The following HDGFL2 variants were observed in gnomAD, a reference collection of about 807,000 sequenced individuals.
The protein encoded by HDGFL2 is hepatoma-derived growth factor-related protein 2.
In HDGFL2, 36 loss-of-function variants were observed where a neutral mutation model predicts 77.1. That is an observed-to-expected ratio of 0.47 (90% confidence interval 0.36 to 0.62). The LOEUF (loss-of-function observed/expected upper bound fraction) is 0.62, where lower values mean the gene tolerates loss of function less well. Ranked by LOEUF, HDGFL2 falls within the 20% of genes least tolerant of loss-of-function variation. The probability of loss-of-function intolerance (pLI) is 0.00; values close to 1 mark genes in which losing one functional copy is unlikely to be tolerated. For missense variants in HDGFL2, 976 were observed against 973.4 expected (o/e 1.00, Z -0.04); for synonymous variants, 463 against 413.1 (o/e 1.12, Z -1.46).
chr19:4,493,621 G>A (rs371327861), intron 6 of HDGFL2, 82 bp from the exon 7 acceptor site: 19 of 1,321,868 alleles, frequency 1.4e-5, no homozygotes, highest in South Asian at 1.1e-4. Context: ...CTGCAGGGGT[G>A]CGGGAGCCTC....
At position 4,501,985 on chromosome 19, in the gene HDGFL2, C is replaced by T. The variant is rs117648883; in HGVS notation, c.1991C>T (p.Ser664Leu). 3.4e-4 allele frequency: 508 copies of T among 1,514,434 alleles called. No individual in the cohort carries two copies. Among genetic ancestry groups the T allele is most frequent in the Non-Finnish European group, 4.2e-4 (477 of 1,138,066 alleles). 93.8% of individuals were successfully genotyped at this position (1,514,434 alleles called of 1,614,324 possible). A position where few individuals can be genotyped will look rare whatever the true frequency, so the allele number is the denominator to read the frequency against. The part of the protein sequence containing the change: ...RQERERARGD[S>L]EALDEES ...GAGCGCGAGAGGGCACGGGGGGACT[C>T]GGAGGCCCTGGACGAGGAGAGCTGA... The change falls in exon 16 of 16, where the codon TCG becomes TTG. Residue 664 changes from serine to leucine, a missense_variant. Transcript: ENST00000616600.
intron 3 of HDGFL2, among the ~76,000 whole-genome samples, chr19:4,478,596 GA>G (rs1407885483): frequency 6.6e-6 from 1 of 152,016 alleles, no homozygotes; most frequent in Non-Finnish European, 1.5e-5. Flanking sequence ...GCCAGTAGGT[GA>G]AACATGGCAG....
At chr19:4,496,451 G>T in intron 10 of HDGFL2, 46 bp downstream of exon 10, 1 of 1,425,838 alleles carries the variant, frequency 7.0e-7, no homozygotes, top group Non-Finnish European at 9.8e-7. Flanking sequence ...CCCGCACCCC[G>T]CATCACCCCA....
Position 4,475,562 on chromosome 19 carries a change from C to T in HDGFL2, c.267C>T (p.His89=), listed in dbSNP as rs766164029. Reference sequence around the variant, plus strand: ...TGTGGGAGATCCAGAACAACCCCCACGCCAGCTACAGCGCCCCTCCGGTGA... The same window carrying T: ...TGTGGGAGATCCAGAACAACCCCCATGCCAGCTACAGCGCCCCTCCGGTGA... ...EGLWEIQNNP[H]ASYSAPPPVS... Residue 89 remains histidine (H), a synonymous_variant, in exon 3 of 16, where the codon CAC becomes CAT. Transcript: ENST00000616600. The T allele has an allele frequency of 8.2e-6, 13 of 1,583,700 alleles. No individual in the cohort carries two copies. Among genetic ancestry groups the T allele is most frequent in the South Asian group, 4.6e-5 (4 of 86,328 alleles).
intron 3 of HDGFL2, among the ~76,000 whole-genome samples, chr19:4,480,203 T>G (rs893383730): frequency 7.2e-5 from 11 of 152,126 alleles, no homozygotes; most frequent in African/African-American, 2.7e-4. Context: ...CCTTGTTGCT[T>G]GGTAGATGAA....
chr19:4,501,084 C>G (rs1017709322), intron 14 of HDGFL2, 107 bp from the exon 15 acceptor site: 1 of 1,406,460 alleles, frequency 7.1e-7, no homozygotes, highest in African/African-American at 1.4e-5. Flanking sequence ...GGGCATGTGT[C>G]ACCCACGGCG....
intron 3 of HDGFL2, among the ~76,000 whole-genome samples, chr19:4,483,566 C>A (rs918700093): frequency 6.6e-6 from 1 of 152,154 alleles, no homozygotes. Context: ...ACTCCCTGCT[C>A]CCTCTTGCCC....
At chr19:4,498,950 CGGG>C in intron 13 of HDGFL2, 35 bp downstream of exon 13, 1 of 1,474,002 alleles carries the variant, frequency 6.8e-7, no homozygotes, top group Non-Finnish European at 9.3e-7. Flanking sequence ...AGGGTGCAGT[CGGG>C]GGAGCTGGGA....
At chr19:4,501,439 AC>A in intron 15 of HDGFL2, 122 bp downstream of exon 15, 1 of 1,206,854 alleles carries the variant, frequency 8.3e-7, no homozygotes, top group South Asian at 1.7e-5. Flanking sequence ...TGTCGTCCTT[AC>A]TCGGGCCTCC....
intron 3 of HDGFL2, among the ~76,000 whole-genome samples, chr19:4,476,114 TCTC>T (rs992430735): frequency 4.7e-5 from 7 of 149,262 alleles, no homozygotes; most frequent in Non-Finnish European, 7.4e-5. Context: ...ATGGTCTCAA[TCTC>T]CTGACTTCGT....
At chr19:4,501,586 C>G in intron 15 of HDGFL2, 1 of 478,518 alleles carries the variant, frequency 2.1e-6, no homozygotes, top group Non-Finnish European at 3.7e-6. Context: ...CCAGGGTGGC[C>G]CAGGTAGGTA....
chr19:4,491,277 A>AC (rs1271575682), intron 4 of HDGFL2, among the ~76,000 whole-genome samples: 479 of 14,024 alleles, frequency 0.034, 7 homozygotes, highest in East Asian at 0.29. Flanking sequence ...CCACCCCCCC[A>AC]CCCCCCCCGG....
At chr19:4,478,493 A>G (rs1350257493) in intron 3 of HDGFL2, among the ~76,000 whole-genome samples, 1 of 151,402 alleles carries the variant, frequency 6.6e-6, no homozygotes, top group African/African-American at 2.4e-5. Context: ...GAGCCACCAC[A>G]CCCAGCCCAG....
intron 12 of HDGFL2, among the ~76,000 whole-genome samples, 177 bp from the exon 13 acceptor site, chr19:4,498,637 A>G (rs1327399866): frequency 6.6e-6 from 1 of 152,028 alleles, no homozygotes; most frequent in African/African-American, 2.4e-5. Flanking sequence ...TGGGACCCCA[A>G]GTATCTGGCT....
chr19:4,484,448 C>T (rs77497453), intron 3 of HDGFL2, among the ~76,000 whole-genome samples: 15,123 of 151,752 alleles, frequency 0.1, 939 homozygotes, highest in South Asian at 0.21. Flanking sequence ...AAGAGTATAC[C>T]GTACAGTAGC....
In HDGFL2 at chr19:4,493,784, G is replaced by T. The variant is rs369862181; in HGVS notation, c.760G>T (p.Ala254Ser). 39 of 1,544,374 alleles carry T rather than the reference G, an allele frequency of 2.5e-5. No homozygotes were observed. The highest frequency in any genetic ancestry group is 3.4e-5 in the Non-Finnish European group (39 of 1,142,112). Residue 254 changes from alanine to serine, a missense_variant, in exon 7 of 16, where the codon GCG (alanine) becomes TCG (serine). Ala to Ser is a moderately conservative substitution (Grantham distance 99). Coordinates refer to ENST00000616600, the MANE Select transcript of HDGFL2 (RefSeq NM_001001520.3). The part of the protein sequence containing the change: ...KPEPVAMARS[A>S]SSSSSSSSSS... Reference sequence around the variant, plus strand: ...TGAGCCGGTGGCCATGGCGCGGTCGGCGTCCTCCTCCTCCTCTTCCTCCTC... The same window carrying T: ...TGAGCCGGTGGCCATGGCGCGGTCGTCGTCCTCCTCCTCCTCTTCCTCCTC...
intron 3 of HDGFL2, among the ~76,000 whole-genome samples, chr19:4,478,348 G>A (rs922735816): frequency 6.6e-6 from 1 of 151,412 alleles, no homozygotes; most frequent in Non-Finnish European, 1.5e-5. Flanking sequence ...GACTATGGGC[G>A]CCCACTACCA....
At position 4,475,314 on chromosome 19, in the gene HDGFL2, A is replaced by G; in HGVS notation, c.112A>G (p.Asn38Asp). The change falls in exon 2 of 16, where the codon AAC (asparagine) becomes GAC (aspartate). Residue 38 changes from asparagine (N) to aspartate (D), a missense_variant. Transcript: ENST00000616600. Reference protein sequence around the residue: ...IADGAVKPPPNKYPIFFFGTH... With the variant: ...IADGAVKPPPDKYPIFFFGTH... ...GGATGGCGCCGTGAAGCCCCCACCC[A>G]ACAAGTACCCCATCTTTTTCTTTGG... 3 of 1,613,728 alleles carry G rather than the reference A, an allele frequency of 1.9e-6. No homozygotes were observed. The highest frequency in any genetic ancestry group is 2.5e-6 in the Non-Finnish European group (3 of 1,179,906).
At chr19:4,476,567 C>A (rs931245680) in intron 3 of HDGFL2, among the ~76,000 whole-genome samples, 1 of 150,502 alleles carries the variant, frequency 6.6e-6, no homozygotes, top group Non-Finnish European at 1.5e-5. Context: ...ACGTTTTTTT[C>A]TTTTGAGAAG....
Sources: gnomAD v4.1 joint callset for allele counts (sites outside exome capture counted in the v4.1 genomes callset) on GRCh38, gnomAD v4.1.1 for gene constraint, MANE v1.5 for transcripts, NCBI Gene and HGNC (gene_info 2026-07-23, HGNC 2026-07-21) for gene names.